UMODL1: variants seen among roughly 807,000 people sequenced by gnomAD.
UMODL1 encodes the protein uromodulin-like 1.
Under a neutral mutation model 136.3 loss-of-function variants are expected in UMODL1, and 128 were observed. That is an observed-to-expected ratio of 0.94 (90% confidence interval 0.81 to 1.09). UMODL1 has a LOEUF of 1.09. Among genes scored for constraint, UMODL1 ranks in the 50% least tolerant of loss-of-function variants. The pLI is 0.00. For synonymous variants in UMODL1, 721 were observed against 720.0 expected (o/e 1.00, Z -0.02); for missense variants, 1,766 against 1,725.6 (o/e 1.02, Z -0.41).
intron 6 of UMODL1, among the ~76,000 whole-genome samples, chr21:42,095,089 G>GGTTTTTTTTTTTTTTTTTTTTTTT (rs1555922532): frequency 1.3e-4 from 8 of 61,184 alleles, no homozygotes; most frequent in Admixed American, 5.6e-4. Flanking sequence ...TTCTTCTGCT[G>GGTTTTTTTTTTTTTTTTTTTTTTT]TTTTTTTTTT....
chr21:42,075,952 G>A (rs546971068), intron 1 of UMODL1, 53 bp from the exon 2 acceptor site: 24 of 1,601,622 alleles, frequency 1.5e-5, no homozygotes, highest in African/African-American at 1.2e-4. Context: ...ATAACCGCTC[G>A]CACGGATCTG....
intron 7 of UMODL1, 199 bp from the exon 8 acceptor site, chr21:42,101,967 C>G: frequency 2.1e-6 from 1 of 485,126 alleles, no homozygotes; most frequent in Non-Finnish European, 3.8e-6. Flanking sequence ...TGGGATGTCT[C>G]TGCCCTGGAC....
chr21:42,119,416 G>A, intron 15 of UMODL1, 92 bp downstream of exon 15: 1 of 1,167,866 alleles, frequency 8.6e-7, no homozygotes, highest in South Asian at 1.3e-5. Flanking sequence ...AAGATGTCGT[G>A]TTGTGCCCAT....
At chr21:42,106,463 G>A (rs1389647158) in intron 9 of UMODL1, among the ~76,000 whole-genome samples, 3 of 152,222 alleles carry the variant, frequency 2.0e-5, no homozygotes, top group African/African-American at 4.8e-5. Context: ...CTCCCTGCCG[G>A]TGCGTCCACA....
chr21:42,071,253 C>A (rs577810640), upstream of UMODL1: 11 of 1,425,866 alleles, frequency 7.7e-6, no homozygotes, highest in South Asian at 1.6e-4. Context: ...TGAGCCCTGG[C>A]GTAGCAGAGA....
At chr21:42,139,113 A>G (rs1329682951) in intron 22 of UMODL1, among the ~76,000 whole-genome samples, 1 of 152,144 alleles carries the variant, frequency 6.6e-6, no homozygotes, top group Non-Finnish European at 1.5e-5. Context: ...GGTTGCAGTG[A>G]GCCGAGACTG....
chr21:42,121,126 CG>C lies in UMODL1; in HGVS notation c.2733del (p.Thr912HisfsTer72), dbSNP rs1743065723. On this transcript the variant is annotated frameshift_variant, in exon 16 of 23. Transcript: ENST00000408910. LOFTEE classifies it high-confidence loss of function. Reference sequence around the variant, plus strand: ...GAAAGGAAGGAGGACGACTGTGTGCCGGGGACATCCTGTCGAAACACCCTCG... The same window carrying C: ...GAAAGGAAGGAGGACGACTGTGTGCCGGGACATCCTGTCGAAACACCCTCG... ...ECERKEDDCV[P>X]GTSCRNTLGS... The C allele has an allele frequency of 6.2e-7, 1 of 1,614,034 alleles. No homozygotes were observed. Among genetic ancestry groups the C allele is most frequent in the Non-Finnish European group, 8.5e-7 (1 of 1,179,964 alleles).
intron 9 of UMODL1, 128 bp downstream of exon 9, chr21:42,104,215 C>T (rs529439523): frequency 1.3e-5 from 14 of 1,056,436 alleles, no homozygotes; most frequent in Non-Finnish European, 1.9e-5. Context: ...TTCTATCTTC[C>T]TCCACCGGAA....
At chr21:42,101,663 G>T (rs966395604) in intron 7 of UMODL1, 3 of 449,718 alleles carry the variant, frequency 6.7e-6, no homozygotes, top group Non-Finnish European at 1.3e-5. Context: ...CCAAAATAAC[G>T]CAACCTCCCT....
chr21:42,071,675 G>T (rs1473249309), intron 1 of UMODL1, among the ~76,000 whole-genome samples: 1 of 152,020 alleles, frequency 6.6e-6, no homozygotes, highest in Non-Finnish European at 1.5e-5. Flanking sequence ...CAGATTCTTA[G>T]CCAGCAGGTC....
At position 42,099,633 on chromosome 21, in the gene UMODL1, A is replaced by T. The variant is rs898775542; in HGVS notation, c.1186+453A>T. Among the ~76,000 whole-genome samples the T allele has an allele frequency of 6.6e-6, 1 of 152,148 alleles. No homozygotes were observed. Among genetic ancestry groups the T allele is most frequent in the African/African-American group, 2.4e-5 (1 of 41,430 alleles). The stretch of plus-strand genomic sequence containing the variant: ...GACGTTTTCACGCCTTGCTTCACTC[A>T]TGATGCATGTAAAGCGAATGCCATG... On this transcript the variant is annotated intron_variant, in intron 7 of 22. Coordinates refer to ENST00000408910, the MANE Select transcript of UMODL1 (RefSeq NM_001004416.3). This position sits in a 1 kb window ranked among gnomAD's most constrained non-coding sequence, Gnocchi z 4.1.
intron 21 of UMODL1, among the ~76,000 whole-genome samples, chr21:42,136,856 C>G (rs1344655417): frequency 1.3e-5 from 2 of 152,060 alleles, no homozygotes; most frequent in African/African-American, 4.8e-5. Flanking sequence ...CTCCTGTGTT[C>G]AAGTGATTCT....
At chr21:42,130,883 C>G (rs1243520258) in intron 21 of UMODL1, among the ~76,000 whole-genome samples, 1 of 151,324 alleles carries the variant, frequency 6.6e-6, no homozygotes, top group Non-Finnish European at 1.5e-5. Context: ...GATCTCAGCT[C>G]ACTGCAAGCT....
At chr21:42,069,294 C>T (rs2066209552), upstream of UMODL1, among the ~76,000 whole-genome samples, 1 of 141,192 alleles carries the variant, frequency 7.1e-6, no homozygotes, top group African/African-American at 2.6e-5. Flanking sequence ...TTTCATTGTG[C>T]CTCAATAAAA....
intron 21 of UMODL1, among the ~76,000 whole-genome samples, chr21:42,131,592 G>T (rs1197318620): frequency 1.1e-5 from 1 of 89,948 alleles, no homozygotes; most frequent in African/African-American, 3.7e-5. Flanking sequence ...GAGGAGGGAG[G>T]TCTCGGCCAT....
chr21:42,121,688 C>G (rs1423907884), intron 16 of UMODL1, among the ~76,000 whole-genome samples: 1 of 152,192 alleles, frequency 6.6e-6, no homozygotes, highest in Admixed American at 6.5e-5. Flanking sequence ...CACTGCTATC[C>G]AGGAATCTGC....
At chr21:42,109,879 A>G (rs2066793573) in intron 10 of UMODL1, among the ~76,000 whole-genome samples, 180 bp downstream of exon 10, 2 of 152,274 alleles carry the variant, frequency 1.3e-5, no homozygotes, top group African/African-American at 4.8e-5. Context: ...ATAGAAGGAT[A>G]GTAAATATAC....
At chr21:42,072,280 C>G (rs138542478) in intron 1 of UMODL1, among the ~76,000 whole-genome samples, 2 of 152,098 alleles carry the variant, frequency 1.3e-5, no homozygotes, top group Non-Finnish European at 2.9e-5. Flanking sequence ...AATGGGACTG[C>G]GGAATTTTAA....
intron 13 of UMODL1, among the ~76,000 whole-genome samples, chr21:42,114,041 G>A (rs140180370): frequency 4.5e-4 from 69 of 152,358 alleles, no homozygotes; most frequent in African/African-American, 1.5e-3. Context: ...GGCAGCCCAC[G>A]GGTATGGAGG....
Sources: allele counts gnomAD v4.1 joint callset (sites outside exome capture counted in the v4.1 genomes callset), GRCh38; gene constraint gnomAD v4.1.1; non-coding constraint Gnocchi (gnomAD v3.1); transcripts MANE v1.5; gene names NCBI Gene and HGNC (gene_info 2026-07-23, HGNC 2026-07-21).